The following SLC30A7 variants were observed in gnomAD, a reference collection of about 807,000 sequenced individuals.
SLC30A7 encodes the protein zinc transporter 7.
SLC30A7 carries 35 observed loss-of-function variants against 46.0 expected under a neutral mutation model. That is an observed-to-expected ratio of 0.76 (90% CI 0.58 to 1.01). The LOEUF (loss-of-function observed/expected upper bound fraction) is 1.01, where lower values mean the gene tolerates loss of function less well. Among genes scored for constraint, SLC30A7 ranks in the 50% least tolerant of loss-of-function variants. The probability of loss-of-function intolerance (pLI) is 0.00; values close to 1 mark genes in which losing one functional copy is unlikely to be tolerated. For synonymous variants in SLC30A7, 147 were observed against 157.8 expected, an observed-to-expected ratio of 0.93 and a Z score of 0.51; for missense variants, 464 against 451.1, an observed-to-expected ratio of 1.03 and a Z score of -0.26.
chr1:100,929,570 A>G (rs954432649), intron 8 of SLC30A7, among the ~76,000 whole-genome samples: 2 of 152,162 alleles, frequency 1.3e-5, no homozygotes, highest in African/African-American at 4.8e-5. Context: ...CAATAGCAAG[A>G]GAAATAGTGG....
chr1:100,946,451 G>A (rs1305069101), intron 8 of SLC30A7, among the ~76,000 whole-genome samples: 2 of 152,110 alleles, frequency 1.3e-5, no homozygotes, highest in African/African-American at 4.8e-5. Flanking sequence ...ATTATTTTGA[G>A]ATAGATTCCA....
chr1:100,900,009 TGA>T (rs34930575), intron 2 of SLC30A7, among the ~76,000 whole-genome samples: 3,472 of 148,340 alleles, frequency 0.023, 116 homozygotes, highest in African/African-American at 0.076. Flanking sequence ...AAGTGGGACT[TGA>T]GAGAGAGAGA....
chr1:100,930,606 AG>A (rs1193689980), intron 8 of SLC30A7, among the ~76,000 whole-genome samples: 2 of 151,928 alleles, frequency 1.3e-5, no homozygotes, highest in Admixed American at 1.3e-4. Context: ...ATATGTAGAA[AG>A]TTACCATATG....
At chr1:100,907,051 C>A (rs4908106) in intron 3 of SLC30A7, 86 bp downstream of exon 3, 886,082 of 890,672 alleles carry the variant, frequency 0.99, 440,762 homozygotes, top group East Asian at 1. Flanking sequence ...GACTTGTTAC[C>A]AATTGAACAC....
At chr1:100,990,521 A>G in the SLC30A7 span, 9 of 1,614,026 alleles carry the variant, frequency 5.6e-6, 2 homozygotes, top group South Asian at 4.4e-5. Flanking sequence ...AAGGAATGCA[A>G]TGGTTCTCCC....
intron 8 of SLC30A7, among the ~76,000 whole-genome samples, chr1:100,933,421 A>AT (rs970939352): frequency 1.9e-4 from 29 of 150,542 alleles, no homozygotes; most frequent in Non-Finnish European, 3.4e-4. Context: ...TTTTTTTTTA[A>AT]TTTTTTTTAT....
chr1:100,957,632 G>C (rs113197710), intron 8 of SLC30A7, among the ~76,000 whole-genome samples: 1 of 152,124 alleles, frequency 6.6e-6, no homozygotes, highest in Admixed American at 6.5e-5. Context: ...TTCCATGAGT[G>C]TAATTTTCAC....
chr1:100,896,775 C>A, intron 2 of SLC30A7, 104 bp downstream of exon 2: 2 of 899,262 alleles, frequency 2.2e-6, no homozygotes, highest in East Asian at 2.6e-5. Flanking sequence ...TCAGGTCCTA[C>A]CTTTGTTACC....
Position 100,961,903 on chromosome 1 carries a change from T to G in SLC30A7, c.918T>G (p.Pro306=). The change falls in exon 9 of 11, where the codon CCT becomes CCG. Residue 306 remains proline (P), a synonymous_variant. Coordinates refer to ENST00000357650, the MANE Select transcript of SLC30A7 (RefSeq NM_133496.5). ...RTPPLLENSL[P]QCYQRVQQLQ... ...CTCCCCTATTAGAAAATAGTCTGCC[T>G]CAGTGCTATCAGAGGGTGAGTTTCA... is the stretch of plus-strand genomic sequence containing the variant. The G allele has an allele frequency of 6.3e-7, 1 of 1,598,168 alleles. No homozygotes were observed.
At chr1:100,965,551 T>G (rs1017684364) in intron 9 of SLC30A7, among the ~76,000 whole-genome samples, 2 of 152,248 alleles carry the variant, frequency 1.3e-5, no homozygotes, top group African/African-American at 4.8e-5. Context: ...CTACAAATTT[T>G]GATACATGTT....
At chr1:100,933,573 C>A (rs116714350) in intron 8 of SLC30A7, among the ~76,000 whole-genome samples, 2 of 152,110 alleles carry the variant, frequency 1.3e-5, no homozygotes, top group Non-Finnish European at 2.9e-5. Flanking sequence ...CCACTCCCCC[C>A]ACTCTACTAC....
At chr1:100,902,432 T>G (rs753981888) in intron 2 of SLC30A7, among the ~76,000 whole-genome samples, 14 of 152,212 alleles carry the variant, frequency 9.2e-5, no homozygotes, top group South Asian at 2.1e-4. Context: ...TGGCAATATT[T>G]GGTTTATGTT....
At chr1:100,993,477 G>A in the SLC30A7 span, among the ~76,000 whole-genome samples, 8 of 149,296 alleles carry the variant, frequency 5.4e-5, no homozygotes, top group African/African-American at 1.7e-4. Flanking sequence ...AATTGAACCC[G>A]GGAGACGGAG....
intron 2 of SLC30A7, among the ~76,000 whole-genome samples, chr1:100,900,479 A>G (rs902280537): frequency 9.9e-5 from 15 of 152,186 alleles, no homozygotes; most frequent in Non-Finnish European, 1.8e-4. Context: ...AAATTTTCAT[A>G]TATCTTAGTC....
chr1:100,974,271 G>C (rs1367022303), intron 10 of SLC30A7, among the ~76,000 whole-genome samples: 1 of 152,124 alleles, frequency 6.6e-6, no homozygotes, highest in African/African-American at 2.4e-5. Flanking sequence ...CAGTGTGTTT[G>C]TATGCTAATA....
the SLC30A7 span, among the ~76,000 whole-genome samples, chr1:100,989,176 C>T: frequency 6.6e-6 from 1 of 152,168 alleles, no homozygotes; most frequent in African/African-American, 2.4e-5. Context: ...AGTGTGACTA[C>T]TCGCACATAT....
chr1:100,952,403 T>C (rs1228208667), intron 8 of SLC30A7, among the ~76,000 whole-genome samples: 3 of 152,202 alleles, frequency 2.0e-5, no homozygotes, highest in Non-Finnish European at 4.4e-5. Context: ...AAGATGTGTA[T>C]ATAAAGTCTT....
rs575697894 is a variant in SLC30A7, at chr1:100,912,714, C to CA, written c.511+486dup. Among the ~76,000 whole-genome samples, 840 of 137,700 alleles carry CA rather than the reference C, an allele frequency of 6.1e-3. 8 individuals carry two copies. Among genetic ancestry groups the CA allele is most frequent in the Middle Eastern group, 0.06 (17 of 282 alleles). The allele number at this position is 137,700 out of a possible 152,430, so 90.3% of individuals were successfully genotyped here. A position where few individuals can be genotyped will look rare whatever the true frequency, so the allele number is the denominator to read the frequency against. On this transcript the variant is annotated intron_variant, in intron 5 of 10. Coordinates refer to ENST00000357650, the MANE Select transcript of SLC30A7 (RefSeq NM_133496.5). ...TGGGTGACAGAGTGAGACTCCATCTCAAAAAAAAAACAAAAAAAACAGGCA... is the reference window on the plus strand; with the variant it reads ...TGGGTGACAGAGTGAGACTCCATCTCAAAAAAAAAAACAAAAAAAACAGGCA...
chr1:100,915,514 A>G (rs762571189), intron 6 of SLC30A7, among the ~76,000 whole-genome samples: 6 of 152,134 alleles, frequency 3.9e-5, no homozygotes, highest in African/African-American at 7.2e-5. Flanking sequence ...TCCTTATATA[A>G]GTGATATAAA....
Sources: allele counts gnomAD v4.1 joint callset (sites outside exome capture counted in the v4.1 genomes callset), GRCh38; gene constraint gnomAD v4.1.1; transcripts MANE v1.5; gene names NCBI Gene and HGNC (gene_info 2026-07-23, HGNC 2026-07-21).